The following USH2A variants were observed in gnomAD, a reference collection of about 807,000 sequenced individuals.
The protein encoded by USH2A is Usher syndrome 2A (autosomal recessive, mild).
USH2A carries 443 observed loss-of-function variants against 538.9 expected under a neutral mutation model. The observed-to-expected ratio is 0.82, with a 90% CI of 0.76 to 0.89. USH2A has a LOEUF of 0.89. Ranked by LOEUF, USH2A falls within the 40% of genes least tolerant of loss-of-function variation. The pLI is 0.00. For missense variants in USH2A, 6,633 were observed against 6,324.8 expected (o/e 1.05, Z -1.65); for synonymous variants, 2,413 against 2,273.5 (o/e 1.06, Z -1.75).
chr1:216,084,210 A>G (rs539425691), intron 25 of USH2A, among the ~76,000 whole-genome samples: 1 of 152,124 alleles, frequency 6.6e-6, no homozygotes, highest in Admixed American at 6.5e-5. Flanking sequence ...CCTTTTGAGC[A>G]ATGGCAGGGA....
At chr1:216,147,665 C>T (rs1192446250) in intron 21 of USH2A, among the ~76,000 whole-genome samples, 1 of 150,970 alleles carries the variant, frequency 6.6e-6, no homozygotes, top group African/African-American at 2.4e-5. Flanking sequence ...TAATTAACCT[C>T]GCCTTCAAGG....
intron 14 of USH2A, among the ~76,000 whole-genome samples, chr1:216,229,748 G>A (rs940840726): frequency 6.6e-6 from 1 of 152,166 alleles, no homozygotes; most frequent in African/African-American, 2.4e-5. Flanking sequence ...TCTAGCTCCA[G>A]TGCTAGTCAG....
chr1:216,231,268 A>G lies in USH2A; in HGVS notation c.2993+685T>C, dbSNP rs544319608. ...TATATATTATATATATAATATATATATATAATATATATACACAGAGAGACA... is the reference window on the plus strand; with the variant it reads ...TATATATTATATATATAATATATATGTATAATATATATACACAGAGAGACA... On this transcript the variant is annotated intron_variant, in intron 14 of 71. Transcript: ENST00000307340. Among the ~76,000 whole-genome samples the G allele has an allele frequency of 3.4e-3, 391 of 114,326 alleles. 30 individuals carry two copies. Among genetic ancestry groups the G allele is most frequent in the Middle Eastern group, 0.016 (4 of 246 alleles). 75.0% of individuals were successfully genotyped at this position (114,326 alleles called of 152,430 possible). A position where few individuals can be genotyped will look rare whatever the true frequency, so the allele number is the denominator to read the frequency against.
At chr1:216,046,359 A>G in intron 32 of USH2A, 72 bp downstream of exon 32, 1 of 1,583,340 alleles carries the variant, frequency 6.3e-7, no homozygotes, top group African/African-American at 1.3e-5. Context: ...CTGGATATCG[A>G]GAGCCAACTA....
chr1:216,164,191 G>A (rs301760), intron 21 of USH2A, among the ~76,000 whole-genome samples: 92,578 of 151,864 alleles, frequency 0.61, 28,579 homozygotes, highest in East Asian at 0.78. Flanking sequence ...CATACGAACC[G>A]AATGAGTGAT....
chr1:215,648,412 G>T, intron 66 of USH2A, 116 bp downstream of exon 66: 2 of 1,067,082 alleles, frequency 1.9e-6, no homozygotes. Flanking sequence ...CCTCCCTGGG[G>T]AGTGCCAGGT....
chr1:216,194,654 G>A (rs2034797940), intron 19 of USH2A, among the ~76,000 whole-genome samples: 1 of 152,072 alleles, frequency 6.6e-6, no homozygotes, highest in South Asian at 2.1e-4. Context: ...CAAGTGGCCT[G>A]AGACATGCTA....
chr1:215,959,982 C>T (rs1667157531), intron 37 of USH2A, among the ~76,000 whole-genome samples: 1 of 152,078 alleles, frequency 6.6e-6, no homozygotes, highest in South Asian at 2.1e-4. Context: ...AAGAAAAAAG[C>T]AGGATATGTG....
chr1:216,179,223 T>C (rs545844192), intron 20 of USH2A, among the ~76,000 whole-genome samples: 1 of 152,084 alleles, frequency 6.6e-6, no homozygotes, highest in African/African-American at 2.4e-5. Flanking sequence ...AGATTAAGAG[T>C]AATAGGAAAC....
At chr1:215,690,082 T>C (rs1658552879) in intron 61 of USH2A, among the ~76,000 whole-genome samples, 1 of 152,236 alleles carries the variant, frequency 6.6e-6, no homozygotes, top group Non-Finnish European at 1.5e-5. Context: ...AAGTTAGATG[T>C]GAAGATGAAT....
chr1:216,206,872 C>T (rs1455904059), intron 16 of USH2A, among the ~76,000 whole-genome samples: 1 of 152,042 alleles, frequency 6.6e-6, no homozygotes, highest in Non-Finnish European at 1.5e-5. Context: ...AGATAAACTT[C>T]CTAAAATAAG....
chr1:216,135,437 C>T (rs1322977825), intron 21 of USH2A, among the ~76,000 whole-genome samples: 1 of 151,898 alleles, frequency 6.6e-6, no homozygotes, highest in Admixed American at 6.6e-5. Flanking sequence ...TTAACTTATC[C>T]TATTTCTCTA....
At chr1:215,721,369 C>A (rs576452195) in intron 61 of USH2A, among the ~76,000 whole-genome samples, 1 of 152,236 alleles carries the variant, frequency 6.6e-6, no homozygotes, top group East Asian at 1.9e-4. Flanking sequence ...GCCATCGCCC[C>A]CAGTCTAGAC....
chr1:216,345,562 T>TA (rs1199239163), intron 4 of USH2A, among the ~76,000 whole-genome samples: 5 of 152,110 alleles, frequency 3.3e-5, no homozygotes, highest in Non-Finnish European at 7.4e-5. Context: ...CAAAGAATGG[T>TA]AAAAATCACT....
chr1:215,860,456 A>G (rs1311716076), intron 44 of USH2A, among the ~76,000 whole-genome samples: 4 of 152,166 alleles, frequency 2.6e-5, no homozygotes, highest in Non-Finnish European at 5.9e-5. Flanking sequence ...ACATGTGAGA[A>G]TTATTAGGTT....
intron 37 of USH2A, among the ~76,000 whole-genome samples, chr1:215,946,151 G>A (rs903796536): frequency 3.9e-5 from 6 of 152,130 alleles, no homozygotes; most frequent in African/African-American, 1.4e-4. Context: ...CAACTTCTAT[G>A]TGTCATCACA....
intron 3 of USH2A, among the ~76,000 whole-genome samples, chr1:216,371,124 T>C (rs2038706531): frequency 6.6e-6 from 1 of 152,260 alleles, no homozygotes; most frequent in African/African-American, 2.4e-5. Context: ...GTAATTATTA[T>C]AAATGATTGA....
chr1:215,674,185 C>G lies in USH2A; in HGVS notation c.13726G>C (p.Glu4576Gln), dbSNP rs1350171705. ...GTGTTTATGTGTATGATTTTAGTTT[C>G]TCTTTCAAATAGTTCACGGATGAAG... ...TLFIRELFER[E>Q]TKIIHINTTH... Residue 4576 changes from glutamate (E) to glutamine (Q), a missense_variant, in exon 63 of 72, where the codon GAA becomes CAA. By Grantham distance (29) the Glu-to-Gln change is conservative. Transcript: ENST00000307340. The G allele has an allele frequency of 2.5e-6, 4 of 1,614,102 alleles. No individual in the cohort carries two copies.
At chr1:215,882,343 G>A (rs1284968033) in intron 41 of USH2A, among the ~76,000 whole-genome samples, 5 of 152,132 alleles carry the variant, frequency 3.3e-5, no homozygotes, top group East Asian at 1.9e-4. Context: ...ATTTGACTCC[G>A]TACAGTGTAG....
Sources: gnomAD v4.1 joint callset for allele counts (sites outside exome capture counted in the v4.1 genomes callset) on GRCh38, gnomAD v4.1.1 for gene constraint, MANE v1.5 for transcripts, NCBI Gene and HGNC (gene_info 2026-07-23, HGNC 2026-07-21) for gene names.